NAV2: variants seen among roughly 807,000 people sequenced by gnomAD.
The protein encoded by NAV2 is helicase, APC down-regulated 1.
A neutral mutation model predicts 223.2 loss-of-function variants in NAV2; 54 were observed. That is an observed-to-expected ratio of 0.24 (90% confidence interval 0.19 to 0.30). The LOEUF is 0.30. Ranked by LOEUF, NAV2 falls within the 10% of genes least tolerant of loss-of-function variation. The pLI, the probability that NAV2 is intolerant of heterozygous loss-of-function variation, is 1.00. For synonymous variants in NAV2, 1,279 were observed against 1,239.3 expected, an observed-to-expected ratio of 1.03 and a Z score of -0.67; for missense variants, 2,806 against 3,147.5, an observed-to-expected ratio of 0.89 and a Z score of 2.60.
At chr11:19,699,087 A>G (rs1364497339) in intron 1 of NAV2, among the ~76,000 whole-genome samples, 1 of 152,228 alleles carries the variant, frequency 6.6e-6, no homozygotes, top group Non-Finnish European at 1.5e-5. Context: ...CCCACAGTGA[A>G]TCAGTAACAC....
chr11:20,111,006 G>A (rs147484029), intron 36 of NAV2, among the ~76,000 whole-genome samples: 1 of 152,292 alleles, frequency 6.6e-6, no homozygotes, highest in Non-Finnish European at 1.5e-5. Context: ...GATGAGGATG[G>A]CTTCCAGGTA....
intron 1 of NAV2, among the ~76,000 whole-genome samples, chr11:19,532,614 G>T (rs965900716): frequency 1.5e-4 from 23 of 152,246 alleles, no homozygotes; most frequent in African/African-American, 5.5e-4. Context: ...TGAGGCAACT[G>T]AGGCCAAAAA....
At chr11:19,554,761 G>A (rs1033795299) in intron 1 of NAV2, among the ~76,000 whole-genome samples, 3 of 152,068 alleles carry the variant, frequency 2.0e-5, no homozygotes, top group Non-Finnish European at 4.4e-5. Context: ...GAGGTCGGGA[G>A]TTCGAGACCA....
intron 19 of NAV2, among the ~76,000 whole-genome samples, chr11:20,062,015 C>T (rs1015720040): frequency 6.6e-6 from 1 of 152,216 alleles, no homozygotes; most frequent in Non-Finnish European, 1.5e-5. Context: ...CTTCTTAACA[C>T]TTCTCCGTAC....
chr11:20,048,704 A>G (rs1231384943), intron 14 of NAV2, 24 bp from the exon 15 acceptor site: 1 of 1,605,690 alleles, frequency 6.2e-7, no homozygotes, highest in Admixed American at 1.7e-5. Context: ...TGTTCAACCT[A>G]CACAACCCTT....
intron 1 of NAV2, among the ~76,000 whole-genome samples, chr11:19,489,350 T>C (rs1419610542): frequency 6.6e-6 from 1 of 152,198 alleles, no homozygotes; most frequent in Non-Finnish European, 1.5e-5. Flanking sequence ...TCTTTCTACC[T>C]CTGCTGTCAC....
intron 1 of NAV2, among the ~76,000 whole-genome samples, chr11:19,774,529 C>T (rs1256059807): frequency 6.6e-6 from 1 of 152,166 alleles, no homozygotes; most frequent in East Asian, 1.9e-4. Flanking sequence ...TTTTGTAGCA[C>T]CTGTTGCATT....
rs2060794441 is a variant in NAV2 at position 20,090,858 on chromosome 11, T to G, written c.5499-7T>G. 1.2e-6 allele frequency: 2 copies of G among 1,613,122 alleles called. No homozygotes were observed. Among genetic ancestry groups the G allele is most frequent in the Admixed American group, 1.7e-5 (1 of 60,002 alleles). On this transcript the variant is annotated splice_polypyrimidine_tract_variant and splice_region_variant and intron_variant, in intron 26 of 37. Coordinates refer to ENST00000349880, the MANE Select transcript of NAV2 (RefSeq NM_145117.5). Reference sequence around the variant, plus strand: ...TGCTTTCATCAGTAACATTCCTCTTTCCCTAGAATTTCAGAATGCATGGAT... The same window carrying G: ...TGCTTTCATCAGTAACATTCCTCTTGCCCTAGAATTTCAGAATGCATGGAT...
intron 1 of NAV2, among the ~76,000 whole-genome samples, chr11:19,612,867 T>C (rs978306440): frequency 1.3e-5 from 2 of 152,212 alleles, no homozygotes; most frequent in African/African-American, 2.4e-5. Context: ...CACCCCATTC[T>C]ACTGGTACCA....
chr11:20,110,074 C>T (rs2062496345), intron 36 of NAV2, among the ~76,000 whole-genome samples: 1 of 152,244 alleles, frequency 6.6e-6, no homozygotes, highest in Non-Finnish European at 1.5e-5. Context: ...GTCCTTCCCA[C>T]CATGGGAAAG....
At chr11:19,381,757 T>C (rs1848845034) in intron 1 of NAV2, among the ~76,000 whole-genome samples, 1 of 152,230 alleles carries the variant, frequency 6.6e-6, no homozygotes, top group Non-Finnish European at 1.5e-5. Context: ...TTTGGTTTTT[T>C]GGTGCCAAAG....
At chr11:19,417,406 T>C (rs1850419842) in intron 1 of NAV2, among the ~76,000 whole-genome samples, 1 of 152,170 alleles carries the variant, frequency 6.6e-6, no homozygotes, top group Non-Finnish European at 1.5e-5. Flanking sequence ...TACCATCCCA[T>C]GCCAATTGGA....
At chr11:20,054,033 A>G (rs2058201828) in intron 17 of NAV2, 47 bp from the exon 18 acceptor site, 4 of 1,581,550 alleles carry the variant, frequency 2.5e-6, no homozygotes, top group East Asian at 2.3e-5. Flanking sequence ...GTTCATTTTA[A>G]TAAGCATTGT....
intron 1 of NAV2, among the ~76,000 whole-genome samples, chr11:19,808,020 T>G (rs970638250): frequency 1.3e-5 from 2 of 152,182 alleles, no homozygotes; most frequent in Non-Finnish European, 2.9e-5. Context: ...TCAGGTGAGA[T>G]GAGCTTGGTA....
chr11:19,553,264 T>C (rs915616501), intron 1 of NAV2, among the ~76,000 whole-genome samples: 2 of 152,204 alleles, frequency 1.3e-5, no homozygotes, highest in Non-Finnish European at 2.9e-5. Context: ...GAGACAGAGA[T>C]ACAGGAGGTC....
intron 1 of NAV2, among the ~76,000 whole-genome samples, chr11:19,441,446 A>ACG (rs550742376): frequency 0.028 from 3,417 of 124,044 alleles, 118 homozygotes; most frequent in African/African-American, 0.1. Context: ...ACACACACAC[A>ACG]CGCACACACA....
intron 10 of NAV2, among the ~76,000 whole-genome samples, chr11:19,973,060 A>G (rs1743448265): frequency 6.6e-6 from 1 of 152,190 alleles, no homozygotes; most frequent in Admixed American, 6.5e-5. Context: ...ACAATTACAA[A>G]TTAGTCGCCT....
chr11:19,397,056 C>T lies in NAV2; in HGVS notation c.75+46029C>T, dbSNP rs527279272. Among the ~76,000 whole-genome samples, 6 of 152,202 alleles carry T rather than the reference C, an allele frequency of 3.9e-5. No individual in the cohort carries two copies. In the East Asian group the frequency reaches 5.8e-4, roughly 15 times the overall value. On this transcript the variant is annotated intron_variant, in intron 1 of 37. Coordinates refer to the NAV2 transcript ENST00000360655. Reference sequence around the variant, plus strand: ...CCCTGGATGAAGCTTGTAAGGGACACGTGGTCTTGAGTCTGTTCTTCAGAT... The same window carrying T: ...CCCTGGATGAAGCTTGTAAGGGACATGTGGTCTTGAGTCTGTTCTTCAGAT...
chr11:19,700,173 G>A (rs1170407267), intron 1 of NAV2, among the ~76,000 whole-genome samples: 2 of 152,130 alleles, frequency 1.3e-5, no homozygotes, highest in East Asian at 1.9e-4. Context: ...TTAGTCACTG[G>A]TTTAGTGTTT....
Sources: allele counts gnomAD v4.1 joint callset (sites outside exome capture counted in the v4.1 genomes callset), GRCh38; gene constraint gnomAD v4.1.1; transcripts MANE v1.5; gene names NCBI Gene and HGNC (gene_info 2026-07-23, HGNC 2026-07-21).